Variants in NPAS3 observed in about 807,000 individuals in gnomAD.
NPAS3 encodes neuronal PAS domain protein 3, also known as neuronal PAS domain-containing protein 3.
A neutral mutation model predicts 73.1 loss-of-function variants in NPAS3; 14 were observed. The observed-to-expected ratio is 0.19, with a 90% CI of 0.13 to 0.30. The LOEUF (loss-of-function observed/expected upper bound fraction) is 0.30. Ranked by LOEUF, NPAS3 falls within the 10% of genes least tolerant of loss-of-function variation. NPAS3 has a pLI of 1.00. For synonymous variants in NPAS3, 620 were observed against 541.5 expected (o/e 1.14, Z -2.01); for missense variants, 1,096 against 1,250.0 (o/e 0.88, Z 1.86).
intron 4 of NPAS3, among the ~76,000 whole-genome samples, chr14:33,450,064 G>A (rs1435157146): frequency 8.5e-5 from 13 of 152,204 alleles, no homozygotes; most frequent in Admixed American, 8.5e-4. Context: ...AGTATGTAAA[G>A]TGTTGAAATG....
At chr14:33,388,127 A>G (rs2046848067) in intron 4 of NPAS3, among the ~76,000 whole-genome samples, 1 of 152,170 alleles carries the variant, frequency 6.6e-6, no homozygotes, top group South Asian at 2.1e-4. Context: ...GGCATGATCA[A>G]TGCACAGGGC....
At chr14:33,302,831 A>C (rs2042607148) in intron 3 of NPAS3, among the ~76,000 whole-genome samples, 2 of 151,976 alleles carry the variant, frequency 1.3e-5, no homozygotes. Context: ...TCATATTTCC[A>C]CATAGAGCAG....
At chr14:32,959,654 T>C (rs2036825548) in intron 1 of NPAS3, among the ~76,000 whole-genome samples, 1 of 152,226 alleles carries the variant, frequency 6.6e-6, no homozygotes, top group Admixed American at 6.5e-5. Flanking sequence ...GTGAGCACTT[T>C]CACGTAGCTG....
At chr14:33,051,878 G>A (rs1196378459) in intron 1 of NPAS3, among the ~76,000 whole-genome samples, 2 of 152,148 alleles carry the variant, frequency 1.3e-5, no homozygotes, top group Non-Finnish European at 2.9e-5. Context: ...TCCTGCCTCA[G>A]CCTTCTGAGT....
At chr14:33,231,110 C>T (rs1382717701) in intron 3 of NPAS3, among the ~76,000 whole-genome samples, 1 of 152,178 alleles carries the variant, frequency 6.6e-6, no homozygotes, top group Non-Finnish European at 1.5e-5. Flanking sequence ...ATTCTGTTTG[C>T]TCGTGCAAGC....
intron 3 of NPAS3, among the ~76,000 whole-genome samples, chr14:33,327,772 G>C (rs906323736): frequency 3.9e-5 from 6 of 152,182 alleles, no homozygotes; most frequent in African/African-American, 1.4e-4. Flanking sequence ...CACCATGCAT[G>C]TTAAGGAAAC....
intron 5 of NPAS3, among the ~76,000 whole-genome samples, chr14:33,654,040 G>A (rs1414274112): frequency 6.6e-6 from 1 of 152,118 alleles, no homozygotes; most frequent in Non-Finnish European, 1.5e-5. Flanking sequence ...CCAGCAGTGA[G>A]TAAATTTTCT....
intron 2 of NPAS3, among the ~76,000 whole-genome samples, chr14:33,063,679 C>T (rs2041184379): frequency 1.3e-5 from 2 of 152,152 alleles, no homozygotes; most frequent in South Asian, 4.1e-4. Flanking sequence ...CCATATGGCC[C>T]ACAAAGCTGC....
chr14:33,246,881 G>A (rs2048409591), intron 3 of NPAS3, among the ~76,000 whole-genome samples: 1 of 148,896 alleles, frequency 6.7e-6, no homozygotes, highest in African/African-American at 2.5e-5. Context: ...GGGCATGGTG[G>A]TGGGTGCCTG....
intron 6 of NPAS3, 99 bp from the exon 7 acceptor site, chr14:33,735,115 A>G: frequency 3.8e-6 from 3 of 798,446 alleles, no homozygotes; most frequent in Non-Finnish European, 6.6e-6. Flanking sequence ...CCCATCAGTC[A>G]TTTATTTTTA....
chr14:33,416,178 G>A (rs2048137264), intron 4 of NPAS3, among the ~76,000 whole-genome samples: 1 of 152,006 alleles, frequency 6.6e-6, no homozygotes, highest in Admixed American at 6.6e-5. Flanking sequence ...GATGGCTTAG[G>A]CTTTAGCATG....
chr14:33,079,233 G>A (rs1176819836), intron 2 of NPAS3, among the ~76,000 whole-genome samples: 2 of 151,708 alleles, frequency 1.3e-5, no homozygotes, highest in South Asian at 4.2e-4. Context: ...CCTCCTCCAT[G>A]TAGAACTCTT....
intron 4 of NPAS3, among the ~76,000 whole-genome samples, chr14:33,541,886 G>A (rs929870169): frequency 1.3e-5 from 2 of 152,152 alleles, no homozygotes; most frequent in African/African-American, 4.8e-5. Flanking sequence ...CCCACTCACT[G>A]TAGTGGATTG....
At position 33,459,179 on chromosome 14, in the gene NPAS3, T is replaced by C. The variant is rs948854471; in HGVS notation, c.468+91911T>C. ...GTCACTCTTGTTGCCATTTTGGTTTTGGTGGGTTTTGGCCGGCTTCTTCAC... is the reference window on the plus strand; with the variant it reads ...GTCACTCTTGTTGCCATTTTGGTTTCGGTGGGTTTTGGCCGGCTTCTTCAC... On this transcript the variant is annotated intron_variant, in intron 4 of 11. Transcript: ENST00000356141. Among the ~76,000 whole-genome samples, 10 of 152,276 alleles carry C rather than the reference T, an allele frequency of 6.6e-5. No homozygotes were observed. In the East Asian group the frequency reaches 1.9e-3, roughly 29 times the overall value.
At chr14:33,728,956 A>G (rs559678602) in intron 6 of NPAS3, among the ~76,000 whole-genome samples, 2 of 152,180 alleles carry the variant, frequency 1.3e-5, no homozygotes, top group Non-Finnish European at 2.9e-5. Flanking sequence ...AGAGTGAAGA[A>G]TTCTTCTTAG....
chr14:33,644,441 AG>A, intron 5 of NPAS3, among the ~76,000 whole-genome samples: 1 of 152,332 alleles, frequency 6.6e-6, no homozygotes, highest in South Asian at 2.1e-4. Context: ...TCATTTGGCC[AG>A]CCATTGGGTA....
chr14:33,755,497 C>T (rs549394498), intron 7 of NPAS3, among the ~76,000 whole-genome samples: 8 of 152,026 alleles, frequency 5.3e-5, no homozygotes, highest in Non-Finnish European at 1.0e-4. Flanking sequence ...CCATCCCTGC[C>T]GTGGGGTCTG....
rs148262550 is a variant in NPAS3 at position 33,647,217 on chromosome 14, G to A, written c.559-28994G>A. 2.0e-5 allele frequency among the ~76,000 whole-genome samples: 3 copies of A among 151,480 alleles called. No individual in the cohort carries two copies. The East Asian group carries it at 5.8e-4, about 29-fold the overall frequency. On this transcript the variant is annotated intron_variant, in intron 5 of 11. Transcript: ENST00000356141. ...AAATCCTTCCAGAATGCACCAAATGGCATAGCACAGTAAGCAATTTCATAC... is the reference window on the plus strand; with the variant it reads ...AAATCCTTCCAGAATGCACCAAATGACATAGCACAGTAAGCAATTTCATAC...
chr14:33,521,664 T>C (rs2053562542), intron 4 of NPAS3, among the ~76,000 whole-genome samples: 1 of 152,160 alleles, frequency 6.6e-6, no homozygotes, highest in Admixed American at 6.5e-5. Flanking sequence ...CATTCTTGTA[T>C]TGACCATTTT....
Sources: allele counts gnomAD v4.1 joint callset (sites outside exome capture counted in the v4.1 genomes callset), GRCh38; gene constraint gnomAD v4.1.1; transcripts MANE v1.5; gene names NCBI Gene and HGNC (gene_info 2026-07-23, HGNC 2026-07-21).